Variants in NOMO3 observed in about 807,000 individuals in gnomAD.
NOMO3 encodes the protein BOS complex subunit NOMO3.
NOMO3 carries 15 observed loss-of-function variants against 69.9 expected under a neutral mutation model. That is an observed-to-expected ratio of 0.21 (90% CI 0.14 to 0.33). The LOEUF (loss-of-function observed/expected upper bound fraction) is 0.33, where lower values mean the gene tolerates loss of function less well. NOMO3 is among the 10% of genes least tolerant of loss of function. The pLI, the probability that NOMO3 is intolerant of heterozygous loss-of-function variation, is 1.00. For synonymous variants in NOMO3, 89 were observed against 301.9 expected, an observed-to-expected ratio of 0.29 and a Z score of 7.31; for missense variants, 218 against 761.0, an observed-to-expected ratio of 0.29 and a Z score of 8.39.
At chr16:16,256,258 A>C in intron 11 of NOMO3, 100 bp downstream of exon 11, 3 of 1,496,224 alleles carry the variant, frequency 2.0e-6, no homozygotes, top group Non-Finnish European at 2.7e-6. Flanking sequence ...GAGCTTAAGA[A>C]CTTAAGAAAG....
At position 16,243,401 on chromosome 16, in the gene NOMO3, G is replaced by A; in HGVS notation, c.402+140G>A. ...ATGGATAAGTGGCAAGTGAGCCTGT[G>A]AACTCTGTACTTCATCCGTGTAGAA... On this transcript the variant is annotated intron_variant, in intron 4 of 30. Transcript: ENST00000399336. 2 of 874,676 alleles carry A rather than the reference G, an allele frequency of 2.3e-6. 1 individual carries two copies. Among genetic ancestry groups the A allele is most frequent in the Non-Finnish European group, 3.4e-6 (2 of 587,862 alleles). 54.2% of individuals were successfully genotyped at this position (874,676 alleles called of 1,614,324 possible).
At chr16:16,242,855 A>C (rs1405184396) in intron 3 of NOMO3, among the ~76,000 whole-genome samples, 1 of 142,946 alleles carries the variant, frequency 7.0e-6, no homozygotes, top group Non-Finnish European at 1.5e-5. Context: ...GTGCTCACTG[A>C]ATTTTCACTG....
At chr16:16,243,992 T>C (rs2049395490) in intron 4 of NOMO3, among the ~76,000 whole-genome samples, 1 of 144,208 alleles carries the variant, frequency 6.9e-6, no homozygotes, top group Non-Finnish European at 1.5e-5. Context: ...ATTCCTATTA[T>C]TTAAGTTCTG....
At chr16:16,250,188 A>G (rs1290779504) in intron 6 of NOMO3, among the ~76,000 whole-genome samples, 2 of 142,924 alleles carry the variant, frequency 1.4e-5, no homozygotes, top group African/African-American at 2.8e-5. Context: ...GCCTGTGAGT[A>G]GTTGAAGGGT....
intron 9 of NOMO3, among the ~76,000 whole-genome samples, chr16:16,254,842 GCACAGACACAGA>G (rs1343416044): frequency 1.4e-5 from 2 of 144,948 alleles, no homozygotes; most frequent in African/African-American, 5.6e-5. Flanking sequence ...GGCGAGTGGG[GCACAGACACAGA>G]CACAGACACA....
chr16:16,243,639 T>A (rs2049392372), intron 4 of NOMO3, among the ~76,000 whole-genome samples: 1 of 140,622 alleles, frequency 7.1e-6, no homozygotes. Flanking sequence ...CTCCCGCTCC[T>A]TCACCCTCCC....
At chr16:16,254,306 T>C (rs1268816919) in intron 9 of NOMO3, among the ~76,000 whole-genome samples, 1 of 143,028 alleles carries the variant, frequency 7.0e-6, no homozygotes, top group Non-Finnish European at 1.5e-5. Context: ...CTTTACTGTT[T>C]TCCTAACATG....
Position 16,261,027 on chromosome 16 carries a change from A to T in NOMO3, c.1221-475A>T, listed in dbSNP as rs1054496257. On this transcript the variant is annotated intron_variant, in intron 11 of 30. Coordinates refer to ENST00000399336, the MANE Select transcript of NOMO3 (RefSeq NM_001004067.4). ...TCATCCATGTATTATATATAATCACAAGCAAGGAAGACGTCTTTGATAATC... is the reference window on the plus strand; with the variant it reads ...TCATCCATGTATTATATATAATCACTAGCAAGGAAGACGTCTTTGATAATC... 10 of 162,768 alleles carry T rather than the reference A, an allele frequency of 6.1e-5. 1 individual carries two copies. The highest frequency in any genetic ancestry group is 1.1e-4 in the African/African-American group (4 of 35,664). 10.1% of individuals were successfully genotyped at this position (162,768 alleles called of 1,614,324 possible). A position where few individuals can be genotyped will look rare whatever the true frequency, so the allele number is the denominator to read the frequency against.
At position 16,243,397 on chromosome 16, in the gene NOMO3, C is replaced by T. The variant is rs1189468227; in HGVS notation, c.402+136C>T. ...ACCCATGGATAAGTGGCAAGTGAGCCTGTGAACTCTGTACTTCATCCGTGT... is the reference window on the plus strand; with the variant it reads ...ACCCATGGATAAGTGGCAAGTGAGCTTGTGAACTCTGTACTTCATCCGTGT... On this transcript the variant is annotated intron_variant, in intron 4 of 30. Transcript: ENST00000399336. The T allele has an allele frequency of 2.4e-6, 2 of 817,592 alleles. 1 individual carries two copies. The highest frequency in any genetic ancestry group is 3.7e-6 in the Non-Finnish European group (2 of 536,510). 50.6% of individuals were successfully genotyped at this position (817,592 alleles called of 1,614,324 possible).
intron 13 of NOMO3, 36 bp from the exon 14 acceptor site, chr16:16,263,477 G>T (rs1384541357): frequency 1.6e-5 from 14 of 867,670 alleles, no homozygotes; most frequent in Non-Finnish European, 2.2e-5. Flanking sequence ...AGCCTTATAA[G>T]GGGTCACATG....
At chr16:16,254,545 G>T (rs2049493683) in intron 9 of NOMO3, among the ~76,000 whole-genome samples, 1 of 142,138 alleles carries the variant, frequency 7.0e-6, no homozygotes, top group Non-Finnish European at 1.5e-5. Flanking sequence ...ATTATTTAAA[G>T]CTTCATCTCA....
chr16:16,249,513 T>C lies in NOMO3; in HGVS notation c.583-1415T>C, dbSNP rs1185665858. Among the ~76,000 whole-genome samples, 6 of 126,198 alleles carry C rather than the reference T, an allele frequency of 4.8e-5. 1 individual carries two copies. The highest frequency in any genetic ancestry group is 2.2e-4 in the African/African-American group (6 of 27,304). The allele number at this position is 126,198 out of a possible 152,430, so 82.8% of individuals were successfully genotyped here. A position where few individuals can be genotyped will look rare whatever the true frequency, so the allele number is the denominator to read the frequency against. On this transcript the variant is annotated intron_variant, in intron 6 of 30. Coordinates refer to ENST00000399336, the MANE Select transcript of NOMO3 (RefSeq NM_001004067.4). The stretch of plus-strand genomic sequence containing the variant: ...AGGAGAATCGCTTGAACCTGGGAGG[T>C]GGAGGTAGCAGTGAGCCAAGATTGC...
intron 2 of NOMO3, among the ~76,000 whole-genome samples, chr16:16,239,386 C>T (rs536929842): frequency 6.9e-6 from 1 of 145,068 alleles, no homozygotes; most frequent in African/African-American, 2.7e-5. Context: ...GAACTCCTGG[C>T]CTCAAGTGAC....
chr16:16,255,661 G>C, intron 9 of NOMO3, 59 bp from the exon 10 acceptor site: 1 of 1,563,194 alleles, frequency 6.4e-7, no homozygotes, highest in Admixed American at 1.7e-5. Flanking sequence ...AGCAGAAGGA[G>C]GCTTTGTGGC....
chr16:16,263,824 T>G lies in NOMO3; in HGVS notation c.1669+180T>G, dbSNP rs558315217. 1.7e-4 allele frequency among the ~76,000 whole-genome samples: 7 copies of G among 41,022 alleles called. No individual in the cohort carries two copies. The South Asian group carries it at 4.9e-3, about 29-fold the overall frequency. The allele number at this position is 41,022 out of a possible 152,430, so 26.9% of individuals were successfully genotyped here. Reference sequence around the variant, plus strand: ...GACAAGCATGGAGGAGTCCAGGCCCTGAGCTGACCGCCACCTTGTCTGCAC... The same window carrying G: ...GACAAGCATGGAGGAGTCCAGGCCCGGAGCTGACCGCCACCTTGTCTGCAC... On this transcript the variant is annotated intron_variant, in intron 14 of 30. Transcript: ENST00000399336.
intron 11 of NOMO3, among the ~76,000 whole-genome samples, chr16:16,259,123 T>C (rs1353967806): frequency 7.0e-6 from 1 of 142,806 alleles, no homozygotes; most frequent in East Asian, 2.3e-4. Flanking sequence ...CACAGGCCTG[T>C]GCTGTTGAGG....
At chr16:16,266,725 A>G in intron 15 of NOMO3, 3 of 517,128 alleles carry the variant, frequency 5.8e-6, no homozygotes, top group South Asian at 3.7e-5. Flanking sequence ...TGAGATCACT[A>G]ATTTATTTGT....
In NOMO3 at chr16:16,259,064, G is replaced by A. The variant is rs62032172; in HGVS notation, c.1221-2438G>A. ...GGCTGGGCCCAGGCGGCTGGCAGGC[G>A]AGGGAGCGAGGAGTAGATGGATTTG... is the stretch of plus-strand genomic sequence containing the variant. On this transcript the variant is annotated intron_variant, in intron 11 of 30. Transcript: ENST00000399336. Among the ~76,000 whole-genome samples the A allele has an allele frequency of 2.5e-3, 350 of 142,580 alleles. 14 individuals carry two copies. Among genetic ancestry groups the A allele is most frequent in the Middle Eastern group, 6.9e-3 (2 of 290 alleles). 93.5% of individuals were successfully genotyped at this position (142,580 alleles called of 152,430 possible). A position where few individuals can be genotyped will look rare whatever the true frequency, so the allele number is the denominator to read the frequency against.
At position 16,265,071 on chromosome 16, in the gene NOMO3, G is replaced by A; in HGVS notation, c.1698G>A (p.Trp566Ter). 2 of 1,571,242 alleles carry A rather than the reference G, an allele frequency of 1.3e-6. No homozygotes were observed. The highest frequency in any genetic ancestry group is 1.1e-5 in the South Asian group (1 of 88,392). The change falls in exon 15 of 31, where the codon TGG (tryptophan) becomes TGA (stop). Residue 566 changes from tryptophan to a stop codon, truncating the protein, a stop_gained. Transcript: ENST00000399336. LOFTEE classifies it high-confidence loss of function. ...GCATCATGCATGAGGATTGGTGCTGGAAGAACAAGAGCCTGGAGGTGGAAG... is the reference window on the plus strand; with the variant it reads ...GCATCATGCATGAGGATTGGTGCTGAAAGAACAAGAGCCTGGAGGTGGAAG... ...KISIMHEDWC[W>*]KNKSLEVEVL...
Sources: allele counts gnomAD v4.1 joint callset (sites outside exome capture counted in the v4.1 genomes callset), GRCh38; gene constraint gnomAD v4.1.1; transcripts MANE v1.5; gene names NCBI Gene and HGNC (gene_info 2026-07-23, HGNC 2026-07-21).